SMG7: variants seen among roughly 807,000 people sequenced by gnomAD.
SMG7 encodes SMG7 nonsense mediated mRNA decay factor.
In SMG7, 34 loss-of-function variants were observed where a neutral mutation model predicts 148.2. The ratio of observed to expected loss-of-function variants is 0.23; its 90% CI spans 0.17 to 0.31. The LOEUF is 0.31. Among genes scored for constraint, SMG7 ranks in the 10% least tolerant of loss-of-function variants. The pLI, the probability that SMG7 is intolerant of heterozygous loss-of-function variation, is 1.00. For synonymous variants in SMG7, 492 were observed against 515.1 expected (o/e 0.96, Z 0.61); for missense variants, 1,114 against 1,408.4 (o/e 0.79, Z 3.35).
intron 1 of SMG7, among the ~76,000 whole-genome samples, chr1:183,477,188 A>T (rs1652427498): frequency 6.6e-6 from 1 of 152,176 alleles, no homozygotes; most frequent in Non-Finnish European, 1.5e-5. Context: ...AAAAGGTGGC[A>T]CAGGTGCCAC....
intron 10 of SMG7, among the ~76,000 whole-genome samples, chr1:183,536,173 A>G (rs1314981316): frequency 1.3e-5 from 2 of 152,054 alleles, no homozygotes; most frequent in Admixed American, 6.6e-5. Flanking sequence ...TAAGCTTCAT[A>G]TTAAGGAGAA....
intron 1 of SMG7, among the ~76,000 whole-genome samples, chr1:183,503,887 A>C (rs571517842): frequency 1.3e-5 from 2 of 152,358 alleles, no homozygotes; most frequent in African/African-American, 4.8e-5. Context: ...ATTTGTAGGA[A>C]AGCCCAAATT....
intron 1 of SMG7, among the ~76,000 whole-genome samples, chr1:183,508,945 A>C (rs1214144637): frequency 6.6e-6 from 1 of 152,222 alleles, no homozygotes; most frequent in Non-Finnish European, 1.5e-5. Flanking sequence ...CCTTATAACC[A>C]TAATTTGGTT....
In SMG7 at chr1:183,541,073, T is replaced by C. The variant is rs746868526; in HGVS notation, c.1385T>C (p.Ile462Thr). ...RRIRQQRLIS[I>T]GKWIADNQPR... is the part of the protein sequence containing the mutation. ...ATACGACAGCAACGCTTGATCTCTA[T>C]AGGCAAATGGATTGCTGATAATCAG... The change falls in exon 13 of 23, where the codon ATA (isoleucine) becomes ACA (threonine). Residue 462 changes from isoleucine (I) to threonine (T), a missense_variant. Ile to Thr is a moderately conservative substitution (Grantham distance 89). Transcript: ENST00000688051. 1.2e-6 allele frequency: 2 copies of C among 1,613,600 alleles called. No homozygotes were observed. The highest frequency in any genetic ancestry group is 1.7e-6 in the Non-Finnish European group (2 of 1,179,526).
In SMG7 at chr1:183,553,142, C is replaced by G. The variant is rs1671321737; in HGVS notation, c.*1211C>G. On this transcript the variant is annotated 3_prime_UTR_variant, in exon 23 of 23. Coordinates refer to ENST00000688051, the MANE Select transcript of SMG7 (RefSeq NM_001375584.1). ...CAAGGCAGCACGGACATGTGCCCAT[C>G]AGGCACAGAAGAAAACACGACGTCG... is the stretch of plus-strand genomic sequence containing the variant. The G allele has an allele frequency of 4.6e-6, 7 of 1,536,406 alleles. No homozygotes were observed. The highest frequency in any genetic ancestry group is 6.1e-6 in the Non-Finnish European group (7 of 1,146,928).
At chr1:183,508,318 T>G (rs551924135) in intron 1 of SMG7, 1 of 156,238 alleles carries the variant, frequency 6.4e-6, no homozygotes, top group Non-Finnish European at 1.4e-5. Flanking sequence ...CCTCAGGCTC[T>G]TGAGTAGCTG....
At chr1:183,514,662 TTAAC>T (rs1249856844) in intron 2 of SMG7, among the ~76,000 whole-genome samples, 2 of 152,258 alleles carry the variant, frequency 1.3e-5, no homozygotes, top group Non-Finnish European at 2.9e-5. Flanking sequence ...CCCAGAAACT[TTAAC>T]TAAGATAATG....
At chr1:183,476,219 A>G (rs540056579) in intron 1 of SMG7, among the ~76,000 whole-genome samples, 2 of 152,264 alleles carry the variant, frequency 1.3e-5, no homozygotes, top group East Asian at 3.9e-4. Context: ...TTCAGGGAGG[A>G]TGCCGAGTAT....
chr1:183,486,474 C>T (rs548366046), intron 1 of SMG7, among the ~76,000 whole-genome samples: 1 of 152,210 alleles, frequency 6.6e-6, no homozygotes, highest in African/African-American at 2.4e-5. Context: ...GCAGTGGTGC[C>T]ATCTCGGCTC....
chr1:183,505,651 A>G (rs1417903666), intron 1 of SMG7, among the ~76,000 whole-genome samples: 1 of 152,200 alleles, frequency 6.6e-6, no homozygotes, highest in African/African-American at 2.4e-5. Flanking sequence ...AACAAATTGA[A>G]CGCATTTTTA....
intron 1 of SMG7, among the ~76,000 whole-genome samples, chr1:183,477,183 G>A (rs1047980727): frequency 1.3e-5 from 2 of 152,112 alleles, no homozygotes; most frequent in African/African-American, 4.8e-5. Context: ...GTTATAAAAG[G>A]TGGCACAGGT....
At chr1:183,525,243 T>G (rs943938219) in intron 4 of SMG7, among the ~76,000 whole-genome samples, 7 of 152,054 alleles carry the variant, frequency 4.6e-5, no homozygotes, top group African/African-American at 1.7e-4. Flanking sequence ...CTAGAACAGC[T>G]CAGTAATCAA....
chr1:183,515,367 CTAGA>C (rs1663240393), intron 2 of SMG7, among the ~76,000 whole-genome samples: 1 of 152,066 alleles, frequency 6.6e-6, no homozygotes, highest in South Asian at 2.1e-4. Context: ...AAAGCAACTG[CTAGA>C]TAATCAGCTG....
At chr1:183,546,414 T>C in intron 17 of SMG7, 77 bp downstream of exon 17, 1 of 1,477,804 alleles carries the variant, frequency 6.8e-7, no homozygotes, top group Non-Finnish European at 9.1e-7. Context: ...CTCAAATAGA[T>C]CTTATAAAAA....
intron 1 of SMG7, among the ~76,000 whole-genome samples, chr1:183,496,299 T>A (rs1431957827): frequency 6.6e-6 from 1 of 152,214 alleles, no homozygotes; most frequent in Non-Finnish European, 1.5e-5. Flanking sequence ...AACAAGTCCC[T>A]ATGGCCCTCA....
At chr1:183,528,571 A>G (rs1251889613) in intron 6 of SMG7, among the ~76,000 whole-genome samples, 2 of 152,214 alleles carry the variant, frequency 1.3e-5, no homozygotes, top group Non-Finnish European at 2.9e-5. Context: ...ATATTTGTTT[A>G]TGGCTGCTTT....
At chr1:183,484,780 G>A (rs951210619) in intron 1 of SMG7, among the ~76,000 whole-genome samples, 1 of 152,012 alleles carries the variant, frequency 6.6e-6, no homozygotes, top group Non-Finnish European at 1.5e-5. Flanking sequence ...TTTGGTATGT[G>A]ATTTTATTAT....
intron 1 of SMG7, among the ~76,000 whole-genome samples, chr1:183,497,884 A>T (rs1174288118): frequency 6.6e-6 from 1 of 152,172 alleles, no homozygotes; most frequent in East Asian, 1.9e-4. Flanking sequence ...TTATTTTATT[A>T]TTATACAGCA....
intron 19 of SMG7, 26 bp from the exon 20 acceptor site, chr1:183,549,738 T>G (rs1480247660): frequency 6.2e-7 from 1 of 1,603,668 alleles, no homozygotes; most frequent in Admixed American, 1.7e-5. Flanking sequence ...GGGGTGAGTT[T>G]ATAACTTCAC....
Sources: gnomAD v4.1 joint callset for allele counts (sites outside exome capture counted in the v4.1 genomes callset) on GRCh38, gnomAD v4.1.1 for gene constraint, MANE v1.5 for transcripts, NCBI Gene and HGNC (gene_info 2026-07-23, HGNC 2026-07-21) for gene names.